COL4A2: variants seen among roughly 807,000 people sequenced by gnomAD.
COL4A2 encodes the protein collagen type IV alpha 2 chain, also known as collagen alpha-2(IV) chain.
COL4A2 carries 99 observed loss-of-function variants against 200.2 expected under a neutral mutation model. The observed-to-expected ratio is 0.49, with a 90% CI of 0.42 to 0.58. COL4A2 has a LOEUF of 0.58. Ranked by LOEUF, COL4A2 falls within the 20% of genes least tolerant of loss-of-function variation. COL4A2 has a pLI of 0.00. For synonymous variants in COL4A2, 897 were observed against 900.6 expected (o/e 1.00, Z 0.07); for missense variants, 1,950 against 2,314.1 (o/e 0.84, Z 3.23).
chr13:110,454,767 C>G (rs949092713), intron 20 of COL4A2, among the ~76,000 whole-genome samples: 5 of 152,160 alleles, frequency 3.3e-5, no homozygotes, highest in African/African-American at 1.2e-4. Context: ...GTGCTGGTCA[C>G]TCGCTCGTTT....
At position 110,396,328 on chromosome 13, in the gene COL4A2, A is replaced by G. The variant is rs866235154; in HGVS notation, c.181-28406A>G. Among the ~76,000 whole-genome samples, 31 of 152,338 alleles carry G rather than the reference A, an allele frequency of 2.0e-4. No individual in the cohort carries two copies. In the Middle Eastern group the frequency reaches 0.01, roughly 50 times the overall value. ...ATTTTTAACAACCAGCCATGCTTGT[A>G]AAAACATGTGGAAGTTTCTCTGACT... is the stretch of plus-strand genomic sequence containing the variant. On this transcript the variant is annotated intron_variant, in intron 4 of 47. Coordinates refer to ENST00000360467, the MANE Select transcript of COL4A2 (RefSeq NM_001846.4).
chr13:110,307,324 T>C lies in COL4A2; in HGVS notation c.-249T>C. On this transcript the variant is annotated 5_prime_UTR_variant, in exon 1 of 48. Coordinates refer to ENST00000360467, the MANE Select transcript of COL4A2 (RefSeq NM_001846.4). This position sits in a 1 kb window ranked among gnomAD's most constrained non-coding sequence, Gnocchi z 5.0. The stretch of plus-strand genomic sequence containing the variant: ...GCGCCGGGACACCAGGGCTCCGCGC[T>C]CCGCACTCAAGAGGCTCCCGCGTCC... The C allele has an allele frequency of 3.1e-6, 1 of 325,066 alleles. No individual in the cohort carries two copies. Among genetic ancestry groups the C allele is most frequent in the Non-Finnish European group, 5.6e-6 (1 of 179,652 alleles). The allele number at this position is 325,066 out of a possible 1,614,324, so 20.1% of individuals were successfully genotyped here. A position where few individuals can be genotyped will look rare whatever the true frequency, so the allele number is the denominator to read the frequency against.
intron 20 of COL4A2, among the ~76,000 whole-genome samples, chr13:110,450,887 C>T (rs1291671774): frequency 2.6e-5 from 4 of 152,214 alleles, no homozygotes; most frequent in African/African-American, 9.7e-5. Context: ...TACTCCATCA[C>T]GTTTAAGCCA....
chr13:110,386,794 G>A (rs1878768333), intron 4 of COL4A2, among the ~76,000 whole-genome samples: 1 of 152,200 alleles, frequency 6.6e-6, no homozygotes, highest in South Asian at 2.1e-4. Context: ...GTGGGACAGA[G>A]ACGGAAGCAT....
chr13:110,353,469 A>G (rs1362536223), intron 3 of COL4A2, among the ~76,000 whole-genome samples: 1 of 152,200 alleles, frequency 6.6e-6, no homozygotes, highest in Non-Finnish European at 1.5e-5. Context: ...GGGAGTGGCC[A>G]GGCCACAGAC....
chr13:110,430,766 G>T, intron 10 of COL4A2, 159 bp downstream of exon 10: 1 of 999,362 alleles, frequency 1.0e-6, no homozygotes. Flanking sequence ...ACCATTCCTT[G>T]CACACTTTGC....
chr13:110,336,522 C>T (rs959613869), intron 3 of COL4A2, among the ~76,000 whole-genome samples: 2 of 152,128 alleles, frequency 1.3e-5, no homozygotes, highest in Non-Finnish European at 2.9e-5. Flanking sequence ...ATCCTTACGA[C>T]GACCTGGCCT....
At chr13:110,415,196 G>A in intron 4 of COL4A2, among the ~76,000 whole-genome samples, 1 of 152,150 alleles carries the variant, frequency 6.6e-6, no homozygotes. Context: ...TGCTGATAGT[G>A]GTGGTTACAC....
intron 3 of COL4A2, among the ~76,000 whole-genome samples, chr13:110,332,211 G>A (rs9555689): frequency 0.79 from 120,418 of 152,130 alleles, 48,228 homozygotes; most frequent in East Asian, 0.94. Flanking sequence ...AGGCTTATTA[G>A]CCAAGTATAC....
At chr13:110,481,663 C>CATATG (rs1457719626) in intron 31 of COL4A2, among the ~76,000 whole-genome samples, 6 of 81,720 alleles carry the variant, frequency 7.3e-5, no homozygotes, top group Non-Finnish European at 1.5e-4. Flanking sequence ...TTGCTGGAGA[C>CATATG]ACACAGTTCT....
chr13:110,511,328 A>G (rs910219327), intron 47 of COL4A2, among the ~76,000 whole-genome samples: 4 of 152,076 alleles, frequency 2.6e-5, no homozygotes, highest in African/African-American at 9.7e-5. Flanking sequence ...AAAAATATAT[A>G]TTTAATTACA....
chr13:110,392,824 G>A (rs1879038019), intron 4 of COL4A2, among the ~76,000 whole-genome samples: 1 of 152,204 alleles, frequency 6.6e-6, no homozygotes, highest in African/African-American at 2.4e-5. Flanking sequence ...AAAGAAAGAA[G>A]TAGAAGAACT....
At chr13:110,413,906 G>A (rs1170361581) in intron 4 of COL4A2, among the ~76,000 whole-genome samples, 2 of 152,240 alleles carry the variant, frequency 1.3e-5, no homozygotes, top group African/African-American at 4.8e-5. Context: ...TGCTGTGGGT[G>A]AGAGGCTCAT....
In COL4A2 at chr13:110,428,536, T is replaced by C; in HGVS notation, c.430T>C (p.Ser144Pro). The part of the protein sequence containing the change: ...YDGCNGTQGD[S>P]GPQGPPGSEG... Reference sequence around the variant, plus strand: ...TGGCTGCAACGGAACCCAGGGAGACTCAGGTCCACAGGGGCCCCCCGGCTC... The same window carrying C: ...TGGCTGCAACGGAACCCAGGGAGACCCAGGTCCACAGGGGCCCCCCGGCTC... The change falls in exon 7 of 48, where the codon TCA becomes CCA. Residue 144 changes from serine to proline, a missense_variant. Ser to Pro is a moderately conservative substitution (Grantham distance 74). This residue lies in a region of COL4A2 where 565 missense variants were observed against 593.5 expected (regional missense o/e 0.95). Coordinates refer to ENST00000360467, the MANE Select transcript of COL4A2 (RefSeq NM_001846.4). The C allele has an allele frequency of 3.2e-6, 5 of 1,581,324 alleles. No homozygotes were observed. The highest frequency in any genetic ancestry group is 3.4e-6 in the Non-Finnish European group (4 of 1,168,148).
intron 6 of COL4A2, among the ~76,000 whole-genome samples, chr13:110,426,969 A>G (rs777374327): frequency 7.2e-5 from 11 of 152,228 alleles, no homozygotes; most frequent in Non-Finnish European, 1.5e-4. Flanking sequence ...GGCTCACCAG[A>G]GAGTTTGACT....
At chr13:110,446,939 A>C (rs1406917585) in intron 18 of COL4A2, 75 bp downstream of exon 18, 2 of 1,241,708 alleles carry the variant, frequency 1.6e-6, no homozygotes, top group Non-Finnish European at 2.3e-6. Context: ...AGAGCTATGA[A>C]CTTTCAAGAC....
intron 3 of COL4A2, among the ~76,000 whole-genome samples, chr13:110,321,631 G>A (rs953459434): frequency 6.6e-6 from 1 of 152,162 alleles, no homozygotes; most frequent in Non-Finnish European, 1.5e-5. Flanking sequence ...CCTTGTATTA[G>A]TCCATGTTCA....
intron 3 of COL4A2, among the ~76,000 whole-genome samples, chr13:110,339,353 A>G (rs1362393618): frequency 6.6e-6 from 1 of 152,188 alleles, no homozygotes; most frequent in Non-Finnish European, 1.5e-5. Context: ...TGGTGCTTGC[A>G]TATTTGGGGC....
At chr13:110,382,852 G>C (rs1878544609) in intron 4 of COL4A2, among the ~76,000 whole-genome samples, 1 of 152,172 alleles carries the variant, frequency 6.6e-6, no homozygotes, top group Admixed American at 6.5e-5. Flanking sequence ...TTGAATAACA[G>C]AAAAATAATC....
Sources: gnomAD v4.1 joint callset for allele counts (sites outside exome capture counted in the v4.1 genomes callset) on GRCh38, gnomAD v4.1.1 for gene constraint, gnomAD v4.1.1 regional missense constraint, Gnocchi (gnomAD v3.1) non-coding constraint, MANE v1.5 for transcripts, NCBI Gene and HGNC (gene_info 2026-07-23, HGNC 2026-07-21) for gene names.